CALCR: variants seen among roughly 807,000 people sequenced by gnomAD.
CALCR encodes calcitonin receptor.
A neutral mutation model predicts 59.5 loss-of-function variants in CALCR; 47 were observed. The ratio of observed to expected loss-of-function variants is 0.79; its 90% CI spans 0.63 to 1.01. The LOEUF is 1.01. Ranked by LOEUF, CALCR falls within the 50% of genes least tolerant of loss-of-function variation. The pLI, the probability that CALCR is intolerant of heterozygous loss-of-function variation, is 0.00. For missense variants in CALCR, 566 were observed against 597.1 expected (o/e 0.95, Z 0.54); for synonymous variants, 213 against 211.3 (o/e 1.01, Z -0.07).
intron 2 of CALCR, among the ~76,000 whole-genome samples, chr7:93,572,532 C>T (rs867582183): frequency 8.3e-4 from 126 of 152,214 alleles, no homozygotes; most frequent in African/African-American, 2.9e-3. Flanking sequence ...AAACCATTAC[C>T]GGTCTCCTAT....
At chr7:93,493,321 T>C (rs1801125867) in intron 2 of CALCR, among the ~76,000 whole-genome samples, 1 of 151,376 alleles carries the variant, frequency 6.6e-6, no homozygotes, top group Non-Finnish European at 1.5e-5. Context: ...CTCTGTCCAT[T>C]TTCTTGCATT....
intron 8 of CALCR, among the ~76,000 whole-genome samples, chr7:93,445,971 G>C (rs1486746581): frequency 6.6e-6 from 1 of 152,042 alleles, no homozygotes; most frequent in Non-Finnish European, 1.5e-5. Context: ...ACTGAAACAA[G>C]AAGGCACAGA....
intron 2 of CALCR, among the ~76,000 whole-genome samples, chr7:93,508,006 A>G (rs1015004293): frequency 6.6e-6 from 1 of 152,144 alleles, no homozygotes; most frequent in Non-Finnish European, 1.5e-5. Context: ...CATTTTAAGA[A>G]TTAATATACC....
At chr7:93,432,139 A>G (rs1799671982) in intron 13 of CALCR, among the ~76,000 whole-genome samples, 1 of 152,212 alleles carries the variant, frequency 6.6e-6, no homozygotes, top group Non-Finnish European at 1.5e-5. Context: ...CATTTCACTG[A>G]TAACATACCA....
intron 2 of CALCR, among the ~76,000 whole-genome samples, chr7:93,568,512 T>C (rs576120263): frequency 5.9e-5 from 2 of 33,852 alleles, no homozygotes; most frequent in East Asian, 1.3e-3. Flanking sequence ...AATTACTTTC[T>C]CTCTCTCTCT....
In CALCR at chr7:93,495,982, T is replaced by C. The variant is rs1801193612; in HGVS notation, c.-26-8975A>G. On this transcript the variant is annotated intron_variant, in intron 2 of 13. Coordinates refer to ENST00000426151, the MANE Select transcript of CALCR (RefSeq NM_001742.4). Reference sequence around the variant, plus strand: ...CAGTGGGAATCATTTATTCTGTGAATAAATAAAATGAAAATCAGTAAATCA... The same window carrying C: ...CAGTGGGAATCATTTATTCTGTGAACAAATAAAATGAAAATCAGTAAATCA... The C allele has an allele frequency of 2.8e-6, 4 of 1,428,908 alleles. No individual in the cohort carries two copies. The South Asian group carries it at 3.9e-5, about 14-fold the overall frequency. 88.5% of individuals were successfully genotyped at this position (1,428,908 alleles called of 1,614,324 possible).
chr7:93,477,754 C>T (rs1210353652), intron 4 of CALCR, 86 bp from the exon 5 acceptor site: 2 of 795,332 alleles, frequency 2.5e-6, no homozygotes, highest in South Asian at 1.4e-5. Flanking sequence ...TTACAAGTAG[C>T]TGAGCTCACT....
intron 12 of CALCR, 24 bp downstream of exon 12, chr7:93,435,928 T>C (rs771036058): frequency 4.3e-6 from 6 of 1,405,590 alleles, no homozygotes; most frequent in African/African-American, 1.4e-5. Context: ...AGTAGTTGAA[T>C]AAATACACCT....
At chr7:93,499,001 T>G (rs374117463) in intron 2 of CALCR, among the ~76,000 whole-genome samples, 6 of 151,622 alleles carry the variant, frequency 4.0e-5, no homozygotes, top group African/African-American at 9.7e-5. Flanking sequence ...AACTTCAAAC[T>G]CACCACATGA....
intron 2 of CALCR, among the ~76,000 whole-genome samples, chr7:93,553,482 C>T (rs1789517953): frequency 2.0e-5 from 3 of 148,148 alleles, no homozygotes; most frequent in Admixed American, 1.4e-4. Flanking sequence ...AAAACTTACC[C>T]TTTTTTTTTT....
At chr7:93,565,267 C>T (rs923979481) in intron 2 of CALCR, among the ~76,000 whole-genome samples, 1 of 152,096 alleles carries the variant, frequency 6.6e-6, no homozygotes, top group Non-Finnish European at 1.5e-5. Flanking sequence ...GCACTGGGCT[C>T]CTGAATAATA....
intron 2 of CALCR, among the ~76,000 whole-genome samples, chr7:93,502,435 T>C (rs1308925528): frequency 6.6e-6 from 1 of 152,090 alleles, no homozygotes; most frequent in African/African-American, 2.4e-5. Flanking sequence ...CCATTGAAAA[T>C]AATGAAGTTT....
chr7:93,503,212 G>A (rs1002051674), intron 2 of CALCR, among the ~76,000 whole-genome samples: 2 of 152,044 alleles, frequency 1.3e-5, no homozygotes, highest in African/African-American at 4.8e-5. Context: ...AGGGCTGATG[G>A]AGCAACACTC....
intron 2 of CALCR, among the ~76,000 whole-genome samples, chr7:93,501,689 C>T (rs898734720): frequency 2.6e-5 from 4 of 152,016 alleles, no homozygotes; most frequent in African/African-American, 4.8e-5. Context: ...GGTGGTAGTA[C>T]GCATTCAGTG....
intron 2 of CALCR, among the ~76,000 whole-genome samples, chr7:93,493,778 A>T (rs11977506): frequency 2.0e-5 from 3 of 151,364 alleles, no homozygotes; most frequent in Non-Finnish European, 4.4e-5. Context: ...CTAAAAGGAC[A>T]GATAAGAAAT....
intron 13 of CALCR, among the ~76,000 whole-genome samples, chr7:93,430,257 G>A (rs1437491045): frequency 2.0e-5 from 3 of 152,114 alleles, no homozygotes; most frequent in African/African-American, 7.2e-5. Context: ...TACAACTTCT[G>A]AAAGCTAGAT....
chr7:93,440,842 C>T (rs1799885955), intron 9 of CALCR, among the ~76,000 whole-genome samples: 1 of 152,034 alleles, frequency 6.6e-6, no homozygotes, highest in African/African-American at 2.4e-5. Context: ...TCTGTATAAC[C>T]ATTGATTAGC....
intron 8 of CALCR, among the ~76,000 whole-genome samples, chr7:93,452,147 T>C (rs973076820): frequency 1.3e-5 from 2 of 151,906 alleles, no homozygotes; most frequent in Admixed American, 1.3e-4. Context: ...AAAGCCTACA[T>C]GAGATTCTGC....
At chr7:93,505,410 C>T (rs1055417018) in intron 2 of CALCR, among the ~76,000 whole-genome samples, 1 of 152,140 alleles carries the variant, frequency 6.6e-6, no homozygotes, top group African/African-American at 2.4e-5. Flanking sequence ...TTGAGTCAGA[C>T]AATCAGACAT....
Sources: gnomAD v4.1 joint callset for allele counts (sites outside exome capture counted in the v4.1 genomes callset) on GRCh38, gnomAD v4.1.1 for gene constraint, MANE v1.5 for transcripts, NCBI Gene and HGNC (gene_info 2026-07-23, HGNC 2026-07-21) for gene names.